LRRC49: variants seen among roughly 807,000 people sequenced by gnomAD.
The protein encoded by LRRC49 is leucine-rich repeat-containing protein 49.
LRRC49 carries 50 observed loss-of-function variants against 83.3 expected under a neutral mutation model. The observed-to-expected ratio is 0.60, with a 90% CI of 0.48 to 0.76. LRRC49 has a LOEUF of 0.76. LRRC49 is among the 30% of genes least tolerant of loss of function. The pLI is 0.00. For missense variants in LRRC49, 704 were observed against 809.1 expected, an observed-to-expected ratio of 0.87 and a Z score of 1.58; for synonymous variants, 286 against 283.3, an observed-to-expected ratio of 1.01 and a Z score of -0.10.
At chr15:70,964,992 G>A (rs1017173579) in intron 9 of LRRC49, among the ~76,000 whole-genome samples, 1 of 152,138 alleles carries the variant, frequency 6.6e-6, no homozygotes, top group Admixed American at 6.6e-5. Context: ...GGATACCAGA[G>A]GTCTTCTAGG....
chr15:71,039,487 A>C (rs368530763), intron 15 of LRRC49, among the ~76,000 whole-genome samples: 3 of 152,326 alleles, frequency 2.0e-5, no homozygotes, highest in African/African-American at 4.8e-5. Context: ...ACAGATGCTC[A>C]AGTCCCTGAT....
At position 70,870,647 on chromosome 15, in the gene LRRC49, C is replaced by A. The variant is rs890653075; in HGVS notation, c.-298-2261C>A. On this transcript the variant is annotated intron_variant, in intron 1 of 16. Transcript: ENST00000544974. Reference sequence around the variant, plus strand: ...CTGGGATTACAGGAATGTGCCACCACGCCCAGCTAATTTTGTATTTTTAGT... The same window carrying A: ...CTGGGATTACAGGAATGTGCCACCAAGCCCAGCTAATTTTGTATTTTTAGT... Among the ~76,000 whole-genome samples, 2 of 152,158 alleles carry A rather than the reference C, an allele frequency of 1.3e-5. 1 individual carries two copies. Among genetic ancestry groups the A allele is most frequent in the Non-Finnish European group, 2.9e-5 (2 of 68,034 alleles).
chr15:71,011,212 A>G (rs564158916), intron 13 of LRRC49, among the ~76,000 whole-genome samples: 5 of 152,232 alleles, frequency 3.3e-5, no homozygotes, highest in African/African-American at 1.2e-4. Context: ...AGTCCCTGGA[A>G]GGACCTAATA....
At chr15:71,018,416 C>T (rs1047494873) in intron 14 of LRRC49, among the ~76,000 whole-genome samples, 9 of 151,872 alleles carry the variant, frequency 5.9e-5, no homozygotes, top group Non-Finnish European at 1.2e-4. Flanking sequence ...TTGTTTTTAC[C>T]ATTTCTTGAG....
intron 7 of LRRC49, among the ~76,000 whole-genome samples, chr15:70,927,151 A>G (rs1387847785): frequency 6.6e-6 from 1 of 152,212 alleles, no homozygotes; most frequent in Non-Finnish European, 1.5e-5. Flanking sequence ...TACTCCCAGC[A>G]GCAATAGAGA....
intron 8 of LRRC49, among the ~76,000 whole-genome samples, chr15:70,959,538 GA>G (rs2036526169): frequency 1.3e-4 from 1 of 7,682 alleles, no homozygotes; most frequent in African/African-American, 2.2e-4. Context: ...GGAAAGGAGG[GA>G]AGGAAGGAAG....
At chr15:70,995,063 G>A (rs1342100821) in intron 11 of LRRC49, among the ~76,000 whole-genome samples, 1 of 152,154 alleles carries the variant, frequency 6.6e-6, no homozygotes, top group Non-Finnish European at 1.5e-5. Flanking sequence ...GAGTAGCTAA[G>A]TATAACAGAA....
At chr15:70,858,819 G>A (rs2032714744) in intron 1 of LRRC49, 1 of 807,828 alleles carries the variant, frequency 1.2e-6, no homozygotes, top group Admixed American at 1.9e-5. Context: ...ATCAGCACCT[G>A]AGATTCTCCC....
At chr15:71,001,441 C>T (rs2038250542) in intron 11 of LRRC49, among the ~76,000 whole-genome samples, 1 of 152,192 alleles carries the variant, frequency 6.6e-6, no homozygotes, top group Admixed American at 6.5e-5. Context: ...CAGAGTTCCA[C>T]TGAGCAATTT....
At chr15:70,944,526 TC>T (rs2035941257) in intron 8 of LRRC49, among the ~76,000 whole-genome samples, 1 of 152,146 alleles carries the variant, frequency 6.6e-6, no homozygotes, top group South Asian at 2.1e-4. Flanking sequence ...TGCCTCAGCC[TC>T]CCGAGTAGCT....
At chr15:70,960,525 A>G (rs2036569464) in intron 8 of LRRC49, among the ~76,000 whole-genome samples, 1 of 152,222 alleles carries the variant, frequency 6.6e-6, no homozygotes, top group Admixed American at 6.5e-5. Context: ...AAGCTATATA[A>G]TAAAGATTCC....
chr15:70,989,060 G>T (rs1323615571), intron 11 of LRRC49, among the ~76,000 whole-genome samples: 2 of 152,160 alleles, frequency 1.3e-5, no homozygotes, highest in Non-Finnish European at 2.9e-5. Context: ...CTCTCTGGCT[G>T]TGCTTAACAT....
chr15:70,885,164 G>GT (rs1567035520), intron 2 of LRRC49, among the ~76,000 whole-genome samples: 1 of 152,100 alleles, frequency 6.6e-6, no homozygotes, highest in East Asian at 1.9e-4. Flanking sequence ...TTCCAGGCAC[G>GT]TATTAATCCA....
intron 2 of LRRC49, among the ~76,000 whole-genome samples, chr15:70,876,452 G>C (rs1333940720): frequency 6.6e-6 from 1 of 152,178 alleles, no homozygotes; most frequent in African/African-American, 2.4e-5. Context: ...GCCATGATGG[G>C]CTATGCATGA....
At chr15:70,926,391 T>A (rs569578112) in intron 7 of LRRC49, among the ~76,000 whole-genome samples, 1 of 152,288 alleles carries the variant, frequency 6.6e-6, no homozygotes, top group African/African-American at 2.4e-5. Context: ...AGTTTTAAGT[T>A]TACATATATA....
intron 4 of LRRC49, among the ~76,000 whole-genome samples, chr15:70,902,927 GT>G (rs1433690661): frequency 6.6e-6 from 1 of 152,174 alleles, no homozygotes; most frequent in African/African-American, 2.4e-5. Flanking sequence ...AGTGACAGGG[GT>G]TTGTGGGGTT....
intron 2 of LRRC49, among the ~76,000 whole-genome samples, chr15:70,886,576 T>C (rs887890857): frequency 3.3e-5 from 5 of 152,026 alleles, no homozygotes; most frequent in Admixed American, 6.6e-5. Context: ...CTAATAAAAA[T>C]TGATAAACCG....
At chr15:70,915,992 A>G (rs933970949) in intron 6 of LRRC49, among the ~76,000 whole-genome samples, 1 of 152,216 alleles carries the variant, frequency 6.6e-6, no homozygotes, top group South Asian at 2.1e-4. Context: ...TTTAGCTAAC[A>G]TCTGCTTTGA....
chr15:71,007,709 GTATATATATATA>G (rs55946096), intron 11 of LRRC49, among the ~76,000 whole-genome samples: 19 of 137,682 alleles, frequency 1.4e-4, no homozygotes, highest in South Asian at 4.6e-4. Flanking sequence ...TGAGAAGCAT[GTATATATATATA>G]TATATATATA....
Sources: allele counts gnomAD v4.1 joint callset (sites outside exome capture counted in the v4.1 genomes callset), GRCh38; gene constraint gnomAD v4.1.1; transcripts MANE v1.5; gene names NCBI Gene and HGNC (gene_info 2026-07-23, HGNC 2026-07-21).